ZFR: variants seen among roughly 807,000 people sequenced by gnomAD.
The protein encoded by ZFR is zinc finger RNA-binding protein.
ZFR carries 19 observed loss-of-function variants against 130.7 expected under a neutral mutation model. The observed-to-expected ratio is 0.15, with a 90% confidence interval of 0.10 to 0.21. The LOEUF (loss-of-function observed/expected upper bound fraction) is 0.21, where lower values mean the gene tolerates loss of function less well. ZFR is among the 10% of genes least tolerant of loss of function. The probability of loss-of-function intolerance (pLI) is 1.00; values close to 1 mark genes in which losing one functional copy is unlikely to be tolerated. For synonymous variants in ZFR, 466 were observed against 456.9 expected, an observed-to-expected ratio of 1.02 and a Z score of -0.25; for missense variants, 872 against 1,321.5, an observed-to-expected ratio of 0.66 and a Z score of 5.27.
intron 10 of ZFR, 21 bp downstream of exon 10, chr5:32,397,198 A>T (rs1157415927): frequency 6.3e-7 from 1 of 1,580,662 alleles, no homozygotes; most frequent in Admixed American, 1.9e-5. Context: ...TAAAGAAGGT[A>T]ATAGCTGAAA....
At chr5:32,404,245 C>G (rs889281164) in intron 6 of ZFR, 148 bp from the exon 7 acceptor site, 2 of 596,890 alleles carry the variant, frequency 3.4e-6, no homozygotes, top group Non-Finnish European at 5.8e-6. Context: ...GCATTCGTTA[C>G]ATATGTGACA....
intron 2 of ZFR, among the ~76,000 whole-genome samples, chr5:32,427,210 G>A (rs1754092714): frequency 6.6e-6 from 1 of 151,724 alleles, no homozygotes; most frequent in Admixed American, 6.6e-5. Context: ...ACAATATAGT[G>A]AGACCTCATC....
chr5:32,424,586 T>C (rs1463773736), intron 2 of ZFR, among the ~76,000 whole-genome samples: 2 of 150,974 alleles, frequency 1.3e-5, no homozygotes, highest in Non-Finnish European at 3.0e-5. Flanking sequence ...TCAGGAAATG[T>C]AAACTGCTCA....
At chr5:32,438,596 ACT>A (rs1366900321) in intron 2 of ZFR, among the ~76,000 whole-genome samples, 1 of 151,944 alleles carries the variant, frequency 6.6e-6, no homozygotes, top group Non-Finnish European at 1.5e-5. Context: ...AACTTGCTGT[ACT>A]CTTATTACTT....
rs756235645 is a variant in ZFR, at chr5:32,407,053, T to C, written c.785-32A>G. Reference sequence around the variant, plus strand: ...AATAAAAATCAAACAAAAATTATGTTACATACTTATAGAAGGACAAGTTAA... The same window carrying C: ...AATAAAAATCAAACAAAAATTATGTCACATACTTATAGAAGGACAAGTTAA... On this transcript the variant is annotated intron_variant, in intron 5 of 19. Transcript: ENST00000265069. 3 of 1,428,102 alleles carry C rather than the reference T, an allele frequency of 2.1e-6. No homozygotes were observed. In the South Asian group the frequency reaches 4.7e-5, roughly 22 times the overall value. 88.5% of individuals were successfully genotyped at this position (1,428,102 alleles called of 1,614,324 possible). A position where few individuals can be genotyped will look rare whatever the true frequency, so the allele number is the denominator to read the frequency against.
intron 17 of ZFR, among the ~76,000 whole-genome samples, chr5:32,370,567 G>C (rs1216288390): frequency 6.6e-6 from 1 of 152,088 alleles, no homozygotes; most frequent in African/African-American, 2.4e-5. Context: ...TGTAGACATA[G>C]GGTCTTGCTA....
chr5:32,444,181 C>G, intron 2 of ZFR, 48 bp downstream of exon 2: 9 of 1,575,650 alleles, frequency 5.7e-6, no homozygotes, highest in Non-Finnish European at 7.7e-6. Context: ...AGGATCCGGA[C>G]CGAGGGGAGA....
At chr5:32,407,557 C>G (rs1753603664) in intron 5 of ZFR, among the ~76,000 whole-genome samples, 1 of 151,898 alleles carries the variant, frequency 6.6e-6, no homozygotes. Flanking sequence ...ATGGGCTGTG[C>G]AACTGCTAGA....
chr5:32,438,279 T>TTTTTTTTTTTTTTTTC (rs1754387296), intron 2 of ZFR, among the ~76,000 whole-genome samples: 1 of 130,634 alleles, frequency 7.7e-6, no homozygotes, highest in African/African-American at 2.8e-5. Flanking sequence ...TTTTTTTTTT[T>TTTTTTTTTTTTTTTTC]TGAGACGGAG....
At chr5:32,415,625 T>C (rs1473949200) in intron 4 of ZFR, among the ~76,000 whole-genome samples, 1 of 152,132 alleles carries the variant, frequency 6.6e-6, no homozygotes, top group East Asian at 1.9e-4. Context: ...AAAACTTCAA[T>C]GTTTAATCAT....
intron 15 of ZFR, 102 bp downstream of exon 15, chr5:32,385,406 G>C: frequency 7.4e-7 from 1 of 1,352,124 alleles, no homozygotes; most frequent in Admixed American, 2.2e-5. Flanking sequence ...AAATTCACGT[G>C]TAATGCCAGC....
intron 15 of ZFR, among the ~76,000 whole-genome samples, chr5:32,382,553 CA>C (rs201381779): frequency 0.16 from 24,837 of 152,128 alleles, 2,275 homozygotes; most frequent in East Asian, 0.35. Context: ...CATAAGCATT[CA>C]TAACTTTGGA....
intron 15 of ZFR, chr5:32,380,443 A>G (rs1032285357): frequency 2.4e-5 from 7 of 295,016 alleles, no homozygotes; most frequent in African/African-American, 1.5e-4. Context: ...TACTGGACAC[A>G]GTGCACTAGC....
At chr5:32,368,513 G>A (rs1752596427) in intron 17 of ZFR, among the ~76,000 whole-genome samples, 1 of 152,222 alleles carries the variant, frequency 6.6e-6, no homozygotes, top group African/African-American at 2.4e-5. Flanking sequence ...TAAGATTACA[G>A]GTGTGAGCCA....
intron 11 of ZFR, among the ~76,000 whole-genome samples, chr5:32,392,108 G>C (rs1753194411): frequency 6.6e-6 from 1 of 152,112 alleles, no homozygotes; most frequent in Non-Finnish European, 1.5e-5. Context: ...TAGGCTTTGA[G>C]GAAAAAATGA....
At chr5:32,418,032 G>A (rs1408546569) in intron 3 of ZFR, among the ~76,000 whole-genome samples, 5 of 152,076 alleles carry the variant, frequency 3.3e-5, no homozygotes, top group Admixed American at 6.6e-5. Context: ...AGGCCAAGCC[G>A]GGCGGATCAT....
intron 8 of ZFR, among the ~76,000 whole-genome samples, chr5:32,401,992 T>C (rs1044648186): frequency 6.6e-6 from 1 of 152,188 alleles, no homozygotes; most frequent in East Asian, 1.9e-4. Context: ...CATGAATTAA[T>C]GGGTTAGAAT....
At position 32,403,249 on chromosome 5, in the gene ZFR, G is replaced by T. The variant is rs1449820953; in HGVS notation, c.1373C>A (p.Thr458Lys). The T allele has an allele frequency of 6.2e-7, 1 of 1,614,154 alleles. No homozygotes were observed. Among genetic ancestry groups the T allele is most frequent in the African/African-American group, 1.3e-5 (1 of 75,024 alleles). Residue 458 changes from threonine to lysine, a missense_variant, in exon 8 of 20, where the codon ACG (threonine) becomes AAG (lysine). Physicochemically the swap from Thr to Lys is moderately conservative, Grantham distance 78. Coordinates refer to ENST00000265069, the MANE Select transcript of ZFR (RefSeq NM_016107.5). ...SIAANNCTVN[T>K]SSVATSSMKG... is the part of the protein sequence containing the mutation. ...CATTGAAGACGTTGCAACTGATGAC[G>T]TATTCACAGTACAATTGTTTGCTGC...
Position 32,355,886 on chromosome 5 carries a change from A to T in ZFR, c.3099T>A (p.Asp1033Glu). The T allele has an allele frequency of 6.2e-7, 1 of 1,610,464 alleles. No homozygotes were observed. Among genetic ancestry groups the T allele is most frequent in the Non-Finnish European group, 8.5e-7 (1 of 1,178,924 alleles). Residue 1033 changes from aspartate (D) to glutamate (E), a missense_variant, in exon 20 of 20, where the codon GAT (aspartate) becomes GAA (glutamate). Physicochemically the swap from Asp to Glu is conservative, Grantham distance 45. Around this residue, in one of 7 missense-constraint regions of ZFR, gnomAD observed 158 missense variants for 264.0 expected, o/e 0.60. Coordinates refer to ENST00000265069, the MANE Select transcript of ZFR (RefSeq NM_016107.5). ...AACGTTGGCTCATTTGCGGTAATGGATCCATGCCTAGAACTTTGTGTATCT... is the reference window on the plus strand; with the variant it reads ...AACGTTGGCTCATTTGCGGTAATGGTTCCATGCCTAGAACTTTGTGTATCT... ...FRQIHKVLGMDPLPQMSQRFN... is the reference protein window; with the variant it reads ...FRQIHKVLGMEPLPQMSQRFN...
Sources: allele counts gnomAD v4.1 joint callset (sites outside exome capture counted in the v4.1 genomes callset), GRCh38; gene constraint gnomAD v4.1.1; regional missense constraint gnomAD v4.1.1; transcripts MANE v1.5; gene names NCBI Gene and HGNC (gene_info 2026-07-23, HGNC 2026-07-21).